HSPB8: variants seen among roughly 807,000 people sequenced by gnomAD.
HSPB8 encodes the protein heat shock protein beta-8.
In HSPB8, 9 loss-of-function variants were observed where a neutral mutation model predicts 16.5. The ratio of observed to expected loss-of-function variants is 0.55; its 90% CI spans 0.33 to 0.95. HSPB8 has a LOEUF of 0.95. HSPB8 is among the 40% of genes least tolerant of loss of function. The pLI, the probability that HSPB8 is intolerant of heterozygous loss-of-function variation, is 0.03. For synonymous variants in HSPB8, 99 were observed against 94.8 expected, an observed-to-expected ratio of 1.04 and a Z score of -0.26; for missense variants, 238 against 251.2, an observed-to-expected ratio of 0.95 and a Z score of 0.35.
intron 2 of HSPB8, 97 bp from the exon 3 acceptor site, chr12:119,193,602 C>A: frequency 1.5e-6 from 2 of 1,341,284 alleles, no homozygotes; most frequent in Non-Finnish European, 2.1e-6. Flanking sequence ...TCCCCAAAGC[C>A]TAAGCTCTTA....
At chr12:119,181,876 G>C (rs1424730966) in intron 1 of HSPB8, among the ~76,000 whole-genome samples, 1 of 152,198 alleles carries the variant, frequency 6.6e-6, no homozygotes, top group African/African-American at 2.4e-5. Context: ...AATATATGCG[G>C]AGTGTCTATA....
chr12:119,191,769 C>A (rs555358880), intron 2 of HSPB8, among the ~76,000 whole-genome samples: 14 of 152,258 alleles, frequency 9.2e-5, no homozygotes, highest in African/African-American at 3.4e-4. Context: ...CTGCCATAGT[C>A]CTTCTTTCAA....
intron 1 of HSPB8, among the ~76,000 whole-genome samples, chr12:119,186,636 G>A (rs1391367631): frequency 6.6e-6 from 1 of 152,176 alleles, no homozygotes; most frequent in African/African-American, 2.4e-5. Context: ...CATCCAGTCT[G>A]GGATGTCAGA....
At chr12:119,193,088 C>T (rs79698679) in intron 2 of HSPB8, among the ~76,000 whole-genome samples, 2,416 of 152,238 alleles carry the variant, frequency 0.016, 27 homozygotes, top group Middle Eastern at 0.041. Context: ...AGGGTATGAA[C>T]AAAATCAAGG....
intron 1 of HSPB8, among the ~76,000 whole-genome samples, chr12:119,185,522 C>T (rs546937199): frequency 6.6e-6 from 1 of 152,154 alleles, no homozygotes; most frequent in South Asian, 2.1e-4. Context: ...TTAGTAGAGA[C>T]GGAGTTTCAC....
intron 1 of HSPB8, 129 bp from the exon 2 acceptor site, chr12:119,186,896 A>G (rs2136083571): frequency 1.2e-6 from 1 of 834,862 alleles, no homozygotes; most frequent in Non-Finnish European, 2.1e-6. Context: ...TTAGATAACT[A>G]GAGTCTCTAG....
chr12:119,188,561 C>T (rs1278651895), intron 2 of HSPB8, among the ~76,000 whole-genome samples: 1 of 152,072 alleles, frequency 6.6e-6, no homozygotes, highest in Non-Finnish European at 1.5e-5. Flanking sequence ...AAACTCTTTT[C>T]CAAGCCATCG....
intron 2 of HSPB8, 63 bp downstream of exon 2, chr12:119,187,151 A>G (rs1005751716): frequency 9.7e-6 from 13 of 1,338,992 alleles, no homozygotes; most frequent in Admixed American, 6.8e-5. Context: ...CCTGGGACCC[A>G]TGATCTGGGG....
intron 2 of HSPB8, 42 bp downstream of exon 2, chr12:119,187,130 G>C: frequency 1.3e-6 from 2 of 1,518,126 alleles, no homozygotes; most frequent in African/African-American, 2.7e-5. Context: ...GGGAGTGGAG[G>C]AGGGGGCACA....
At position 119,194,286 on chromosome 12, in the gene HSPB8, G is replaced by A; in HGVS notation, c.*428G>A. 1 of 271,850 alleles carries A rather than the reference G, an allele frequency of 3.7e-6. No individual in the cohort carries two copies. The highest frequency in any genetic ancestry group is 7.1e-6 in the Non-Finnish European group (1 of 140,566). 16.8% of individuals were successfully genotyped at this position (271,850 alleles called of 1,614,324 possible). Reference sequence around the variant, plus strand: ...CTCCCAAACCATGCCGCATGGTTTGGTTAATGAAACCCAGTAGCTAACCCC... The same window carrying A: ...CTCCCAAACCATGCCGCATGGTTTGATTAATGAAACCCAGTAGCTAACCCC... On this transcript the variant is annotated 3_prime_UTR_variant, in exon 3 of 3. Transcript: ENST00000281938.
intron 1 of HSPB8, among the ~76,000 whole-genome samples, chr12:119,186,136 A>G (rs972564602): frequency 9.9e-5 from 15 of 152,262 alleles, no homozygotes; most frequent in African/African-American, 3.6e-4. Flanking sequence ...ATACATTACA[A>G]GATCAAAACC....
Position 119,193,724 on chromosome 12 carries a change from A to T in HSPB8, c.457A>T (p.Thr153Ser), listed in dbSNP as rs1304880768. 6.2e-7 allele frequency: 1 copy of T among 1,614,102 alleles called. No homozygotes were observed. Among genetic ancestry groups the T allele is most frequent in the Non-Finnish European group, 8.5e-7 (1 of 1,180,032 alleles). Residue 153 changes from threonine to serine, a missense_variant, in exon 3 of 3, where the codon ACA (threonine) becomes TCA (serine). Coordinates refer to ENST00000281938, the MANE Select transcript of HSPB8 (RefSeq NM_014365.3). Reference protein sequence around the residue: ...IQLPAEVDPVTVFASLSPEGL... With the variant: ...IQLPAEVDPVSVFASLSPEGL... ...GCTTCCTGCAGAGGTGGATCCTGTG[A>T]CAGTATTTGCCTCACTTTCCCCAGA...
chr12:119,185,120 G>C lies in HSPB8; in HGVS notation c.368-1905G>C, dbSNP rs188581040. On this transcript the variant is annotated intron_variant, in intron 1 of 2. Coordinates refer to ENST00000281938, the MANE Select transcript of HSPB8 (RefSeq NM_014365.3). Reference sequence around the variant, plus strand: ...GGGTGACAGGATTATAAGTAGTTTTGATGGCTTTTTTTTTTAATTTTTTCT... The same window carrying C: ...GGGTGACAGGATTATAAGTAGTTTTCATGGCTTTTTTTTTTAATTTTTTCT... Among the ~76,000 whole-genome samples the C allele has an allele frequency of 3.6e-4, 54 of 151,412 alleles. 1 individual carries two copies. The highest frequency in any genetic ancestry group is 1.0e-3 in the African/African-American group (43 of 41,300).
intron 1 of HSPB8, among the ~76,000 whole-genome samples, chr12:119,180,901 GGT>G (rs922605595): frequency 1.2e-4 from 19 of 152,278 alleles, no homozygotes; most frequent in African/African-American, 4.3e-4. Context: ...CAGCGGGTGT[GGT>G]GGGCTGGGAG....
At chr12:119,183,703 A>G (rs1435536586) in intron 1 of HSPB8, among the ~76,000 whole-genome samples, 1 of 152,236 alleles carries the variant, frequency 6.6e-6, no homozygotes, top group African/African-American at 2.4e-5. Context: ...CTAAGTAGGC[A>G]AATGATAAGC....
Position 119,179,159 on chromosome 12 carries a change from C to T in HSPB8, c.-154C>T, listed in dbSNP as rs758136546. The T allele has an allele frequency of 7.7e-6, 6 of 777,138 alleles. No homozygotes were observed. Among genetic ancestry groups the T allele is most frequent in the African/African-American group, 1.7e-5 (1 of 58,670 alleles). The allele number at this position is 777,138 out of a possible 1,614,324, so 48.1% of individuals were successfully genotyped here. A position where few individuals can be genotyped will look rare whatever the true frequency, so the allele number is the denominator to read the frequency against. Reference sequence around the variant, plus strand: ...CCCAGTCGAGGGGACACAACCGTCCCTGGCAGTGGTTGGTTCTGCTTCTCC... The same window carrying T: ...CCCAGTCGAGGGGACACAACCGTCCTTGGCAGTGGTTGGTTCTGCTTCTCC... On this transcript the variant is annotated 5_prime_UTR_variant, in exon 1 of 3. Coordinates refer to ENST00000281938, the MANE Select transcript of HSPB8 (RefSeq NM_014365.3).
chr12:119,189,342 TA>T (rs1450155024), intron 2 of HSPB8, among the ~76,000 whole-genome samples: 16 of 150,388 alleles, frequency 1.1e-4, no homozygotes, highest in African/African-American at 3.7e-4. Flanking sequence ...TGTGTGTGTG[TA>T]TTTCACATGC....
chr12:119,186,460 C>T (rs1344962034), intron 1 of HSPB8, among the ~76,000 whole-genome samples: 2 of 152,278 alleles, frequency 1.3e-5, no homozygotes, highest in Middle Eastern at 6.8e-3. Flanking sequence ...TCAGAGCCAC[C>T]AGGGACCTGC....
intron 2 of HSPB8, among the ~76,000 whole-genome samples, chr12:119,189,302 GGTGT>G (rs60310566): frequency 0.13 from 18,883 of 143,280 alleles, 1,338 homozygotes; most frequent in Non-Finnish European, 0.18. Flanking sequence ...TCTTAAAAGG[GGTGT>G]GTGTGTGTGT....
Sources: gnomAD v4.1 joint callset for allele counts (sites outside exome capture counted in the v4.1 genomes callset) on GRCh38, gnomAD v4.1.1 for gene constraint, MANE v1.5 for transcripts, NCBI Gene and HGNC (gene_info 2026-07-23, HGNC 2026-07-21) for gene names.